Variants in RNF6 observed in about 807,000 individuals in gnomAD.
The protein encoded by RNF6 is ring finger protein 6, also known as E3 ubiquitin-protein ligase RNF6.
RNF6 carries 21 observed loss-of-function variants against 50.1 expected under a neutral mutation model. The observed-to-expected ratio is 0.42, with a 90% CI of 0.30 to 0.60. The LOEUF (loss-of-function observed/expected upper bound fraction) is 0.60, where lower values mean the gene tolerates loss of function less well. Ranked by LOEUF, RNF6 falls within the 20% of genes least tolerant of loss-of-function variation. The pLI is 0.20. For synonymous variants in RNF6, 255 were observed against 291.8 expected (o/e 0.87, Z 1.29); for missense variants, 698 against 838.2 (o/e 0.83, Z 2.07).
At chr13:26,215,761 T>C (rs986352006) in intron 4 of RNF6, among the ~76,000 whole-genome samples, 169 bp from the exon 5 acceptor site, 6 of 152,254 alleles carry the variant, frequency 3.9e-5, no homozygotes, top group African/African-American at 1.4e-4. Flanking sequence ...GTATATCTAC[T>C]ATAAGCATAT....
At chr13:26,209,589 C>G (rs1869235829), downstream of RNF6, among the ~76,000 whole-genome samples, 1 of 152,144 alleles carries the variant, frequency 6.6e-6, no homozygotes, top group Non-Finnish European at 1.5e-5. Flanking sequence ...ATTGACACTA[C>G]CTAGAAAACC....
At position 26,219,784 on chromosome 13, in the gene RNF6, T is replaced by C. The variant is rs1870288178; in HGVS notation, c.-18-117A>G. ...AATGTTGTCCCCTACCCAAATACTG[T>C]ATTTGCCAAATCTTGCAGTGAGAAG... On this transcript the variant is annotated intron_variant, in intron 2 of 4. Transcript: ENST00000381588. 1.9e-5 allele frequency: 16 copies of C among 862,112 alleles called. No individual in the cohort carries two copies. In the East Asian group the frequency reaches 3.7e-4, roughly 20 times the overall value. 53.4% of individuals were successfully genotyped at this position (862,112 alleles called of 1,614,324 possible).
chr13:26,194,871 G>A lies in RNF6; in HGVS notation n.768+20603C>T, dbSNP rs138446230. 2.0e-4 allele frequency among the ~76,000 whole-genome samples: 30 copies of A among 152,216 alleles called. No individual in the cohort carries two copies. The East Asian group carries it at 4.3e-3, about 22-fold the overall frequency. ...TTTTCTCCCTGCTTTATAGGCTAGC[G>A]GTGCTGGCAGCTGATTAGAAGGTGC... On this transcript the variant is annotated intron_variant and non_coding_transcript_variant, in intron 5 of 5. Coordinates refer to the RNF6 transcript ENST00000468480.
chr13:26,198,163 A>T (rs1329284347), intron 5 of RNF6, among the ~76,000 whole-genome samples: 2 of 151,530 alleles, frequency 1.3e-5, no homozygotes, highest in African/African-American at 4.9e-5. Context: ...TATATATATG[A>T]GAGAGAAATA....
chr13:26,219,287 A>G (rs1166283901), intron 3 of RNF6, 170 bp downstream of exon 3: 1 of 556,614 alleles, frequency 1.8e-6, no homozygotes, highest in Non-Finnish European at 3.1e-6. Context: ...AAAATACAGA[A>G]GCCAGTGATT....
chr13:26,167,260 T>C (rs1005458767), intron 5 of RNF6, among the ~76,000 whole-genome samples: 7 of 152,176 alleles, frequency 4.6e-5, no homozygotes, highest in Admixed American at 2.6e-4. Flanking sequence ...CTAGAGTAAA[T>C]AGACAATCTA....
chr13:26,149,350 G>A (rs556462941), intron 5 of RNF6: 15 of 152,306 alleles, frequency 9.8e-5, no homozygotes, highest in South Asian at 2.1e-4. Context: ...CATTTTGGGA[G>A]GCCGAGGCAG....
At chr13:26,176,292 CT>C (rs568695470) in intron 5 of RNF6, among the ~76,000 whole-genome samples, 4 of 151,956 alleles carry the variant, frequency 2.6e-5, no homozygotes, top group Admixed American at 6.6e-5. Context: ...AGTCTCTTCT[CT>C]TTTTTTTAGA....
downstream of RNF6, among the ~76,000 whole-genome samples, chr13:26,210,365 G>A (rs1306114043): frequency 6.6e-6 from 1 of 152,198 alleles, no homozygotes; most frequent in Non-Finnish European, 1.5e-5. Context: ...TTCATTAGAT[G>A]TTCTTGTCTG....
intron 5 of RNF6, among the ~76,000 whole-genome samples, chr13:26,143,878 T>C (rs301070): frequency 0.67 from 102,093 of 152,122 alleles, 35,015 homozygotes; most frequent in East Asian, 0.82. Flanking sequence ...CAATGTTGTA[T>C]GGAATACTAT....
intron 5 of RNF6, among the ~76,000 whole-genome samples, chr13:26,198,506 A>C (rs1480388654): frequency 6.6e-6 from 1 of 151,956 alleles, no homozygotes; most frequent in Non-Finnish European, 1.5e-5. Flanking sequence ...TGTCATATAA[A>C]CTAACCATCA....
At chr13:26,135,180 T>A (rs1427090497) in intron 5 of RNF6, among the ~76,000 whole-genome samples, 8 of 152,224 alleles carry the variant, frequency 5.3e-5, no homozygotes, top group Non-Finnish European at 1.2e-4. Flanking sequence ...ATATAAGATC[T>A]CTTACAGTTC....
At chr13:26,185,582 TA>T (rs1873478766) in intron 5 of RNF6, among the ~76,000 whole-genome samples, 1 of 151,998 alleles carries the variant, frequency 6.6e-6, no homozygotes, top group South Asian at 2.1e-4. Flanking sequence ...CCGTCTCTAC[TA>T]AAAATACAAA....
intron 5 of RNF6, among the ~76,000 whole-genome samples, chr13:26,167,072 T>C (rs1872488299): frequency 6.6e-6 from 1 of 152,232 alleles, no homozygotes; most frequent in African/African-American, 2.4e-5. Context: ...GTTAAAGACT[T>C]ACATGCAAAA....
intron 5 of RNF6, among the ~76,000 whole-genome samples, chr13:26,181,088 C>G (rs1240239115): frequency 6.6e-6 from 1 of 152,176 alleles, no homozygotes; most frequent in South Asian, 2.1e-4. Flanking sequence ...CATCAGCCTT[C>G]CAGTCTAGGA....
intron 5 of RNF6, among the ~76,000 whole-genome samples, chr13:26,191,158 C>A (rs4770951): frequency 0.5 from 75,759 of 151,414 alleles, 22,474 homozygotes; most frequent in East Asian, 0.7. Flanking sequence ...GTGGTTTAAT[C>A]GATTGTTCAA....
In RNF6 at chr13:26,214,856, C is replaced by A. The variant is rs149943243; in HGVS notation, c.1026G>T (p.Arg342Ser). The A allele has an allele frequency of 2.5e-6, 4 of 1,614,228 alleles. No individual in the cohort carries two copies. Among genetic ancestry groups the A allele is most frequent in the Non-Finnish European group, 3.4e-6 (4 of 1,180,040 alleles). Residue 342 changes from arginine to serine, a missense_variant, in exon 5 of 5, where the codon AGG (arginine) becomes AGT (serine). By Grantham distance (110) the Arg-to-Ser change is moderately radical. Transcript: ENST00000381588. ...AAAAGACTCGAGTTCTACCTCTCCTCCTAACAGATCTTCTAGTGGTTTGCT... is the reference window on the plus strand; with the variant it reads ...AAAAGACTCGAGTTCTACCTCTCCTACTAACAGATCTTCTAGTGGTTTGCT... ...PVQQTTRRSV[R>S]RRGRTRVFLE...
chr13:26,195,473 A>G (rs1868625188), intron 5 of RNF6, among the ~76,000 whole-genome samples: 1 of 152,188 alleles, frequency 6.6e-6, no homozygotes, highest in Non-Finnish European at 1.5e-5. Context: ...GAAAAGAAAT[A>G]TTTGAAACAA....
At chr13:26,165,779 C>A (rs572787569) in intron 5 of RNF6, among the ~76,000 whole-genome samples, 38 of 152,362 alleles carry the variant, frequency 2.5e-4, no homozygotes, top group African/African-American at 7.9e-4. Flanking sequence ...TGTATATACC[C>A]AATGCCTATA....
Sources: gnomAD v4.1 joint callset for allele counts (sites outside exome capture counted in the v4.1 genomes callset) on GRCh38, gnomAD v4.1.1 for gene constraint, MANE v1.5 for transcripts, NCBI Gene and HGNC (gene_info 2026-07-23, HGNC 2026-07-21) for gene names.